Variants in CHST11 observed in about 807,000 individuals in gnomAD.
CHST11 encodes the protein C4S-1.
Under a neutral mutation model 30.4 loss-of-function variants are expected in CHST11, and 9 were observed. That is an observed-to-expected ratio of 0.30 (90% CI 0.18 to 0.52). The LOEUF is 0.52. CHST11 is among the 20% of genes least tolerant of loss of function. The probability of loss-of-function intolerance (pLI) is 0.97; values close to 1 mark genes in which losing one functional copy is unlikely to be tolerated. For missense variants in CHST11, 348 were observed against 460.6 expected (o/e 0.76, Z 2.24); for synonymous variants, 152 against 187.8 (o/e 0.81, Z 1.56).
chr12:104,703,660 A>C (rs1271503911), intron 2 of CHST11, among the ~76,000 whole-genome samples: 1 of 152,202 alleles, frequency 6.6e-6, no homozygotes, highest in East Asian at 1.9e-4. Context: ...CCCAGCTCAG[A>C]GTGAAAGCTC....
intron 2 of CHST11, among the ~76,000 whole-genome samples, chr12:104,720,078 A>T (rs1213360347): frequency 6.6e-6 from 1 of 152,146 alleles, no homozygotes; most frequent in Non-Finnish European, 1.5e-5. Context: ...GCTTTTTGTA[A>T]ATTGAATAAG....
At chr12:104,469,683 G>C (rs747131895) in intron 1 of CHST11, among the ~76,000 whole-genome samples, 1 of 152,144 alleles carries the variant, frequency 6.6e-6, no homozygotes. Context: ...AGGTGTCATG[G>C]AGCTTGCTCT....
chr12:104,642,110 A>C (rs149077798), intron 2 of CHST11, among the ~76,000 whole-genome samples: 64 of 152,312 alleles, frequency 4.2e-4, no homozygotes, highest in African/African-American at 1.4e-3. Context: ...TGAGAAGCCC[A>C]AATGAGGAAC....
At chr12:104,488,335 C>CTG (rs963870030) in intron 1 of CHST11, among the ~76,000 whole-genome samples, 2 of 151,548 alleles carry the variant, frequency 1.3e-5, no homozygotes, top group Non-Finnish European at 2.9e-5. Context: ...GTAGAGAGGT[C>CTG]TGTGTGTGTG....
chr12:104,734,777 G>A (rs1037246049), intron 2 of CHST11, among the ~76,000 whole-genome samples: 2 of 152,190 alleles, frequency 1.3e-5, no homozygotes, highest in African/African-American at 4.8e-5. Flanking sequence ...CCTCCTGGGA[G>A]CTTTATGGCA....
At chr12:104,673,159 CATT>C (rs1414431603) in intron 2 of CHST11, among the ~76,000 whole-genome samples, 1 of 152,156 alleles carries the variant, frequency 6.6e-6, no homozygotes, top group East Asian at 1.9e-4. Context: ...AAAGACACGT[CATT>C]AATATTTAGG....
chr12:104,672,278 GAGTA>G lies in CHST11; in HGVS notation c.204+70289_204+70292del, dbSNP rs1232780779. On this transcript the variant is annotated intron_variant, in intron 2 of 2. Transcript: ENST00000303694. Reference sequence around the variant, plus strand: ...TCCCCAAGGTCAGCTCTGGCTTGCGGAGTAATGGCTCGTGTGAGTGATGTGTGTG... The same window carrying G: ...TCCCCAAGGTCAGCTCTGGCTTGCGGATGGCTCGTGTGAGTGATGTGTGTG... Among the ~76,000 whole-genome samples, 5 of 152,144 alleles carry G rather than the reference GAGTA, an allele frequency of 3.3e-5. No homozygotes were observed. The East Asian group carries it at 9.6e-4, about 29-fold the overall frequency.
chr12:104,530,187 G>T (rs2038168159), intron 1 of CHST11, among the ~76,000 whole-genome samples: 2 of 152,058 alleles, frequency 1.3e-5, no homozygotes, highest in Non-Finnish European at 2.9e-5. Flanking sequence ...AAGAAAGAGA[G>T]GTGGGATACT....
At chr12:104,674,907 T>A (rs1455187018) in intron 2 of CHST11, among the ~76,000 whole-genome samples, 1 of 152,232 alleles carries the variant, frequency 6.6e-6, no homozygotes, top group African/African-American at 2.4e-5. Flanking sequence ...CAGGGGTTAA[T>A]AACATTTAAC....
chr12:104,497,811 G>C (rs2037814214), intron 1 of CHST11, among the ~76,000 whole-genome samples: 1 of 151,132 alleles, frequency 6.6e-6, no homozygotes, highest in African/African-American at 2.4e-5. Flanking sequence ...TCAGCCTGCT[G>C]TTTCTTCACA....
intron 2 of CHST11, among the ~76,000 whole-genome samples, chr12:104,629,726 G>A (rs941897518): frequency 3.0e-4 from 46 of 152,210 alleles, no homozygotes; most frequent in African/African-American, 1.0e-3. Flanking sequence ...GGAGGCTGAG[G>A]CAGAAGAATT....
intron 2 of CHST11, among the ~76,000 whole-genome samples, chr12:104,631,889 C>T (rs1039840463): frequency 4.6e-5 from 7 of 152,302 alleles, no homozygotes; most frequent in African/African-American, 1.4e-4. Flanking sequence ...CCAACTTTCC[C>T]GGGAGCTCCC....
chr12:104,465,252 A>G (rs1010392464), intron 1 of CHST11, among the ~76,000 whole-genome samples: 9 of 152,240 alleles, frequency 5.9e-5, no homozygotes, highest in African/African-American at 2.2e-4. Flanking sequence ...CCAGACTGGC[A>G]TGCAGTCTGT....
chr12:104,679,688 C>A (rs1400384292), intron 2 of CHST11, among the ~76,000 whole-genome samples: 2 of 152,312 alleles, frequency 1.3e-5, no homozygotes, highest in East Asian at 3.9e-4. Flanking sequence ...CTATCACCTG[C>A]CCTGCAGAGA....
At chr12:104,564,055 C>T (rs1565988527) in intron 1 of CHST11, among the ~76,000 whole-genome samples, 1 of 152,158 alleles carries the variant, frequency 6.6e-6, no homozygotes, top group Non-Finnish European at 1.5e-5. Context: ...ATCAGGTAGA[C>T]TCAGTCTCTG....
chr12:104,558,987 G>A, intron 1 of CHST11, among the ~76,000 whole-genome samples: 1 of 151,988 alleles, frequency 6.6e-6, no homozygotes, highest in East Asian at 1.9e-4. Context: ...TTCTCCATTG[G>A]AGGTGGGTGC....
At chr12:104,481,928 C>A (rs896985198) in intron 1 of CHST11, among the ~76,000 whole-genome samples, 1 of 151,026 alleles carries the variant, frequency 6.6e-6, no homozygotes, top group South Asian at 2.1e-4. Flanking sequence ...GCCTCCACCT[C>A]CCATGTTCAA....
intron 2 of CHST11, among the ~76,000 whole-genome samples, chr12:104,693,431 G>A (rs2039916656): frequency 6.6e-6 from 1 of 152,200 alleles, no homozygotes. Context: ...TGAGAGGGAA[G>A]GATCGTCATT....
chr12:104,585,888 C>G (rs748222974), intron 1 of CHST11, among the ~76,000 whole-genome samples: 1 of 152,108 alleles, frequency 6.6e-6, no homozygotes, highest in Non-Finnish European at 1.5e-5. Flanking sequence ...AGCTGCATCA[C>G]TTGAATCTCT....
Sources: gnomAD v4.1 joint callset for allele counts (sites outside exome capture counted in the v4.1 genomes callset) on GRCh38, gnomAD v4.1.1 for gene constraint, MANE v1.5 for transcripts, NCBI Gene and HGNC (gene_info 2026-07-23, HGNC 2026-07-21) for gene names.